KNDC1: variants seen among roughly 807,000 people sequenced by gnomAD.
KNDC1 encodes the protein kinase non-catalytic C-lobe domain-containing protein 1.
Under a neutral mutation model 172.8 loss-of-function variants are expected in KNDC1, and 106 were observed. The observed-to-expected ratio is 0.61, with a 90% CI of 0.52 to 0.72. KNDC1 has a LOEUF of 0.72. Among genes scored for constraint, KNDC1 ranks in the 30% least tolerant of loss-of-function variants. The pLI is 0.00. For missense variants in KNDC1, 2,325 were observed against 2,394.5 expected (o/e 0.97, Z 0.61); for synonymous variants, 1,083 against 1,062.2 (o/e 1.02, Z -0.38).
chr10:133,176,293 A>G (rs1853536928), intron 3 of KNDC1, among the ~76,000 whole-genome samples: 1 of 151,142 alleles, frequency 6.6e-6, no homozygotes, highest in South Asian at 2.1e-4. Flanking sequence ...GGATGGGCAG[A>G]TGGATGGATA....
At chr10:133,174,866 A>G (rs1175002048) in intron 3 of KNDC1, among the ~76,000 whole-genome samples, 2 of 149,324 alleles carry the variant, frequency 1.3e-5, no homozygotes, top group Non-Finnish European at 3.0e-5. Context: ...AGGTGGATGC[A>G]TGGGTGGATG....
intron 17 of KNDC1, chr10:133,202,489 C>T (rs1334361799): frequency 5.0e-6 from 2 of 401,842 alleles, no homozygotes; most frequent in South Asian, 3.7e-5. Context: ...GACCAGTGAC[C>T]CACAGCCCCG....
In KNDC1 at chr10:133,199,582, G is replaced by C; in HGVS notation, c.2883G>C (p.Gly961=). ...LLQNLFKVVN[G]QASPSPSTAE... ...AGAACCTCTTTAAGGTGGTCAACGG[G>C]CAGGCGTCACCCTCCCCAAGGTGGG... is the stretch of plus-strand genomic sequence containing the variant. Residue 961 remains glycine (G), a synonymous_variant, in exon 15 of 30, where the codon GGG becomes GGC. Transcript: ENST00000304613. The C allele has an allele frequency of 6.2e-7, 1 of 1,613,574 alleles. No homozygotes were observed.
chr10:133,209,426 G>T lies in KNDC1; in HGVS notation c.3795-1185G>T, dbSNP rs762718958. 1.2e-3 allele frequency among the ~76,000 whole-genome samples: 78 copies of T among 62,988 alleles called. No individual in the cohort carries two copies. The highest frequency in any genetic ancestry group is 2.4e-3 in the Non-Finnish European group (50 of 21,114). 41.3% of individuals were successfully genotyped at this position (62,988 alleles called of 152,430 possible). A position where few individuals can be genotyped will look rare whatever the true frequency, so the allele number is the denominator to read the frequency against. On this transcript the variant is annotated intron_variant, in intron 20 of 29. Transcript: ENST00000304613. This position sits in a 1 kb window ranked among gnomAD's most constrained non-coding sequence, Gnocchi z 4.9. Reference sequence around the variant, plus strand: ...TGATCTGTGGTGTGTGGCGGGTATAGTGTGTGTGTGCACGTATGTGTGGTG... The same window carrying T: ...TGATCTGTGGTGTGTGGCGGGTATATTGTGTGTGTGCACGTATGTGTGGTG...
chr10:133,197,625 C>T, intron 11 of KNDC1, 50 bp from the exon 12 acceptor site: 1 of 1,426,684 alleles, frequency 7.0e-7, no homozygotes, highest in Non-Finnish European at 9.8e-7. Context: ...GTTGCCGGCG[C>T]TGGCGGAGCT....
intron 4 of KNDC1, 43 bp from the exon 5 acceptor site, chr10:133,183,829 C>T (rs1245406998): frequency 1.4e-6 from 2 of 1,436,404 alleles, no homozygotes; most frequent in South Asian, 1.3e-5. Flanking sequence ...CGGGAGATGG[C>T]CCCTCCTCCG....
In KNDC1 at chr10:133,198,594, G is replaced by A; in HGVS notation, c.2086G>A (p.Ala696Thr). The A allele has an allele frequency of 6.3e-7, 1 of 1,595,200 alleles. No homozygotes were observed. The highest frequency in any genetic ancestry group is 1.1e-5 in the South Asian group (1 of 88,218). Reference sequence around the variant, plus strand: ...CTCCCGTAGGGACCAGCCTGCCTTGGCCCAGGAGGAGTCCGAGGAGAGGGG... The same window carrying A: ...CTCCCGTAGGGACCAGCCTGCCTTGACCCAGGAGGAGTCCGAGGAGAGGGG... ...ASVARDQPAL[A>T]QEESEERGGQ... The change falls in exon 14 of 30, where the codon GCC (alanine) becomes ACC (threonine). Residue 696 changes from alanine to threonine, a missense_variant. By Grantham distance (58) the Ala-to-Thr change is moderately conservative. Coordinates refer to ENST00000304613, the MANE Select transcript of KNDC1 (RefSeq NM_152643.8).
intron 3 of KNDC1, among the ~76,000 whole-genome samples, chr10:133,168,868 CCCCTTGGGGA>C (rs943238825): frequency 2.6e-5 from 4 of 152,342 alleles, no homozygotes; most frequent in African/African-American, 9.6e-5. Context: ...TCCAGTGCAG[CCCCTTGGGGA>C]CCCTTTGCGT....
intron 5 of KNDC1, 31 bp downstream of exon 5, chr10:133,184,020 T>TCTGG: frequency 7.5e-7 from 1 of 1,325,670 alleles, no homozygotes; most frequent in Non-Finnish European, 1.1e-6. Flanking sequence ...ACGTGCATCC[T>TCTGG]CATGCACATA....
rs1434344638 is a variant in KNDC1, at chr10:133,201,881, C to G, written c.3370C>G (p.Pro1124Ala). The change falls in exon 17 of 30, where the codon CCC becomes GCC. Residue 1124 changes from proline to alanine, a missense_variant. Transcript: ENST00000304613. ...LGRQQADGAL[P>A]DAQSPELEQQ... is the part of the protein sequence containing the mutation. ...GCGGCAGCAGGCGGACGGGGCCCTGCCCGACGCCCAGAGCCCGGTGAGTCC... is the reference window on the plus strand; with the variant it reads ...GCGGCAGCAGGCGGACGGGGCCCTGGCCGACGCCCAGAGCCCGGTGAGTCC... 2.7e-6 allele frequency: 4 copies of G among 1,470,384 alleles called. No homozygotes were observed. Among genetic ancestry groups the G allele is most frequent in the Non-Finnish European group, 2.7e-6 (3 of 1,112,526 alleles). The allele number at this position is 1,470,384 out of a possible 1,614,324, so 91.1% of individuals were successfully genotyped here.
chr10:133,207,042 G>T (rs760956841), intron 19 of KNDC1, 89 bp downstream of exon 19: 1 of 1,540,314 alleles, frequency 6.5e-7, no homozygotes, highest in South Asian at 1.1e-5. Flanking sequence ...CTGTCCGTGT[G>T]AAGTTATAAA....
chr10:133,218,160 A>T (rs533629366), intron 26 of KNDC1, among the ~76,000 whole-genome samples: 2 of 152,220 alleles, frequency 1.3e-5, no homozygotes, highest in South Asian at 4.1e-4. Context: ...GTGATTCCTC[A>T]GGGACAGGCA....
In KNDC1 at chr10:133,209,210, G is replaced by A. The variant is rs998301609; in HGVS notation, c.3795-1401G>A. 2.7e-5 allele frequency among the ~76,000 whole-genome samples: 4 copies of A among 150,716 alleles called. No homozygotes were observed. The highest frequency in any genetic ancestry group is 7.4e-5 in the African/African-American group (3 of 40,488). On this transcript the variant is annotated intron_variant, in intron 20 of 29. Coordinates refer to ENST00000304613, the MANE Select transcript of KNDC1 (RefSeq NM_152643.8). This position sits in a 1 kb window ranked among gnomAD's most constrained non-coding sequence, Gnocchi z 4.9. ...GGGGTGTAGTGTGGCGTGTACACGT[G>A]TGTGGTTGGGTTTTGTGTGGTGCGT...
chr10:133,214,180 T>A, intron 26 of KNDC1, 58 bp downstream of exon 26: 2 of 1,585,734 alleles, frequency 1.3e-6, no homozygotes, highest in Non-Finnish European at 1.7e-6. Context: ...TACGCGGGGG[T>A]GGCAGCGCCT....
rs769612711 is a variant in KNDC1 at position 133,212,787 on chromosome 10, T to C, written c.4308T>C (p.Ile1436=). 5 of 1,613,834 alleles carry C rather than the reference T, an allele frequency of 3.1e-6. No homozygotes were observed. ...LPPHKERPYT[I]AAALPKPCFL... is the part of the protein sequence containing the mutation. ...CACACAAGGAGCGCCCCTACACCATTGCTGCCGCCCTGCCCAAGCCCTGCT... is the reference window on the plus strand; with the variant it reads ...CACACAAGGAGCGCCCCTACACCATCGCTGCCGCCCTGCCCAAGCCCTGCT... The change falls in exon 24 of 30, where the codon ATT becomes ATC. Residue 1436 remains isoleucine (I), a synonymous_variant. Transcript: ENST00000304613.
intron 7 of KNDC1, 28 bp downstream of exon 7, chr10:133,188,681 C>T (rs1316920438): frequency 9.7e-6 from 13 of 1,335,888 alleles, no homozygotes; most frequent in South Asian, 6.6e-5. Flanking sequence ...CCATCCCCCC[C>T]GCCGTCCCCA....
At chr10:133,162,089 A>G (rs969541673) in intron 1 of KNDC1, among the ~76,000 whole-genome samples, 10 of 152,260 alleles carry the variant, frequency 6.6e-5, no homozygotes, top group African/African-American at 2.2e-4. Flanking sequence ...CAAGGCCTCC[A>G]GGTGAACTGT....
chr10:133,167,007 C>T (rs527490918), intron 1 of KNDC1, among the ~76,000 whole-genome samples: 9 of 152,332 alleles, frequency 5.9e-5, no homozygotes, highest in East Asian at 3.9e-4. Flanking sequence ...ACTCCGTCGC[C>T]TCGCTCATCT....
At chr10:133,201,429 C>T in intron 16 of KNDC1, 72 bp from the exon 17 acceptor site, 2 of 1,477,432 alleles carry the variant, frequency 1.4e-6, no homozygotes, top group South Asian at 1.3e-5. Flanking sequence ...CCACCGGCCT[C>T]CCATTAACAG....
Sources: allele counts gnomAD v4.1 joint callset (sites outside exome capture counted in the v4.1 genomes callset), GRCh38; gene constraint gnomAD v4.1.1; non-coding constraint Gnocchi (gnomAD v3.1); transcripts MANE v1.5; gene names NCBI Gene and HGNC (gene_info 2026-07-23, HGNC 2026-07-21).